The following RAF1 variants were observed in gnomAD, a reference collection of about 807,000 sequenced individuals.
RAF1 encodes the protein RAF proto-oncogene serine/threonine-protein kinase.
A neutral mutation model predicts 81.1 loss-of-function variants in RAF1; 27 were observed. The ratio of observed to expected loss-of-function variants is 0.33; its 90% CI spans 0.25 to 0.46. The LOEUF is 0.46. RAF1 is among the 20% of genes least tolerant of loss of function. The pLI is 1.00. For synonymous variants in RAF1, 298 were observed against 294.0 expected, an observed-to-expected ratio of 1.01 and a Z score of -0.14; for missense variants, 598 against 826.0, an observed-to-expected ratio of 0.72 and a Z score of 3.38.
intron 1 of RAF1, among the ~76,000 whole-genome samples, chr3:12,653,015 C>T (rs1431758377): frequency 1.3e-5 from 2 of 151,794 alleles, no homozygotes; most frequent in Admixed American, 1.3e-4. Flanking sequence ...GGTGCGGTAG[C>T]TCATGCCTAT....
chr3:12,646,555 C>CTT (rs35503570), intron 1 of RAF1, among the ~76,000 whole-genome samples: 2,729 of 142,332 alleles, frequency 0.019, 86 homozygotes, highest in African/African-American at 0.064. Flanking sequence ...TTGTATTTGT[C>CTT]TTTTTTTTTT....
intron 17 of RAF1, 51 bp from the exon 17 acceptor site, chr3:12,584,708 G>A (rs766936891): frequency 2.5e-6 from 4 of 1,612,914 alleles, no homozygotes; most frequent in Non-Finnish European, 3.4e-6. Flanking sequence ...AAAGACACAG[G>A]ATGTACCCTG....
chr3:12,658,315 T>C (rs905750241), intron 1 of RAF1, among the ~76,000 whole-genome samples: 1 of 152,182 alleles, frequency 6.6e-6, no homozygotes, highest in African/African-American at 2.4e-5. Flanking sequence ...ATAAAAGTTA[T>C]GTGAGGGCTG....
chr3:12,587,837 C>CTTTTTTTTTTTTTTT lies in RAF1; in HGVS notation c.1431-215_1431-201dup, dbSNP rs374515740. Reference sequence around the variant, plus strand: ...GGCCACAGCACAAACATGCTTACACCTTTTTTTTTTTTTTTTTGGAGACTG... The same window carrying CTTTTTTTTTTTTTTT: ...GGCCACAGCACAAACATGCTTACACCTTTTTTTTTTTTTTTTTTTTTTTTTTTTTTTTGGAGACTG... On this transcript the variant is annotated intron_variant, in intron 13 of 17. Coordinates refer to ENST00000442415, the MANE Select transcript of RAF1 (RefSeq NM_001354689.3). 226 of 194,656 alleles carry CTTTTTTTTTTTTTTT rather than the reference C, an allele frequency of 1.2e-3. 10 individuals are homozygous for CTTTTTTTTTTTTTTT. The highest frequency in any genetic ancestry group is 6.3e-3 in the Admixed American group (88 of 14,048). The allele number at this position is 194,656 out of a possible 1,614,324, so 12.1% of individuals were successfully genotyped here.
intron 1 of RAF1, among the ~76,000 whole-genome samples, chr3:12,642,487 G>T (rs1236489854): frequency 6.6e-6 from 1 of 151,436 alleles, no homozygotes; most frequent in Non-Finnish European, 1.5e-5. Context: ...ACTCCAGCCT[G>T]GGCAACAGAG....
chr3:12,655,056 A>T (rs2060647339), intron 1 of RAF1, among the ~76,000 whole-genome samples: 1 of 151,124 alleles, frequency 6.6e-6, no homozygotes, highest in South Asian at 2.2e-4. Flanking sequence ...AAATGCAAAA[A>T]GCCTACAACC....
intron 1 of RAF1, among the ~76,000 whole-genome samples, chr3:12,663,359 C>A (rs1340268071): frequency 6.6e-6 from 1 of 152,230 alleles, no homozygotes; most frequent in Non-Finnish European, 1.5e-5. Flanking sequence ...CCAGTTTCCT[C>A]CTCTCTTACC....
At position 12,642,267 on chromosome 3, in the gene RAF1, G is replaced by A. The variant is rs538335171; in HGVS notation, c.-27+21546C>T. On this transcript the variant is annotated intron_variant, in intron 1 of 17. Coordinates refer to ENST00000442415, the MANE Select transcript of RAF1 (RefSeq NM_001354689.3). ...AGATCGAGACCATCCTGGCTAACAC[G>A]GTGAAACCCCATTTCTACTAAAAAT... 6.0e-4 allele frequency among the ~76,000 whole-genome samples: 91 copies of A among 150,794 alleles called. 1 individual carries two copies. The highest frequency in any genetic ancestry group is 4.8e-3 in the Admixed American group (72 of 15,070).
chr3:12,662,338 TAAAAAA>T lies in RAF1; in HGVS notation c.-27+1469_-27+1474del, dbSNP rs61275660. On this transcript the variant is annotated intron_variant, in intron 1 of 17. Transcript: ENST00000442415. ...GCGACAGAGTGAGATCCTGTTCCTT[TAAAAAA>T]AAAAAAAAAAAAAAAAAAAAAAAAA... 2.4e-3 allele frequency among the ~76,000 whole-genome samples: 239 copies of T among 100,738 alleles called. 1 individual carries two copies. The highest frequency in any genetic ancestry group is 8.8e-3 in the African/African-American group (219 of 24,974). The allele number at this position is 100,738 out of a possible 152,430, so 66.1% of individuals were successfully genotyped here. A position where few individuals can be genotyped will look rare whatever the true frequency, so the allele number is the denominator to read the frequency against.
intron 1 of RAF1, among the ~76,000 whole-genome samples, chr3:12,635,054 G>T (rs1025791165): frequency 4.6e-5 from 7 of 152,092 alleles, no homozygotes; most frequent in Admixed American, 1.3e-4. Flanking sequence ...GGGCAGCCAC[G>T]ATGGCTCACA....
intron 1 of RAF1, among the ~76,000 whole-genome samples, chr3:12,638,116 A>G (rs568047816): frequency 2.0e-5 from 3 of 152,248 alleles, no homozygotes; most frequent in African/African-American, 4.8e-5. Flanking sequence ...GTATTTGCCT[A>G]CTCAATGATT....
chr3:12,652,601 G>C (rs1382252373), intron 1 of RAF1, among the ~76,000 whole-genome samples: 2 of 152,126 alleles, frequency 1.3e-5, no homozygotes, highest in Admixed American at 6.6e-5. Flanking sequence ...ATTCACACTT[G>C]AGAGAAATGT....
At chr3:12,623,612 A>C (rs915575578) in intron 1 of RAF1, among the ~76,000 whole-genome samples, 1 of 151,974 alleles carries the variant, frequency 6.6e-6, no homozygotes, top group Non-Finnish European at 1.5e-5. Flanking sequence ...CCTGGCTAAC[A>C]GGGTGAAACC....
At chr3:12,606,032 A>G (rs1373814928) in intron 6 of RAF1, among the ~76,000 whole-genome samples, 169 bp downstream of exon 6, 1 of 98,808 alleles carries the variant, frequency 1.0e-5, no homozygotes, top group Non-Finnish European at 2.1e-5. Flanking sequence ...GTCCATAAAC[A>G]GAAATTTCTA....
chr3:12,655,778 T>C (rs954368482), intron 1 of RAF1, among the ~76,000 whole-genome samples: 2 of 151,878 alleles, frequency 1.3e-5, no homozygotes, highest in Non-Finnish European at 2.9e-5. Context: ...CACCACCACA[T>C]GGATAAACCT....
chr3:12,584,979 G>T lies in RAF1; in HGVS notation c.1731C>A (p.Ile577=). ...CATATCCTCGGCCCACCATGAAGAT[G>T]ATCTAAGGGAAAGAAAACAGCTGAG... The change falls in exon 17 of 18, where the codon ATC becomes ATA. Residue 577 remains isoleucine (I), a splice_region_variant and synonymous_variant. Coordinates refer to ENST00000442415, the MANE Select transcript of RAF1 (RefSeq NM_001354689.3). 1.2e-6 allele frequency: 2 copies of T among 1,614,126 alleles called. No individual in the cohort carries two copies. Among genetic ancestry groups the T allele is most frequent in the Non-Finnish European group, 1.7e-6 (2 of 1,180,026 alleles).
chr3:12,627,226 A>T (rs148971894), intron 1 of RAF1, among the ~76,000 whole-genome samples: 1 of 152,124 alleles, frequency 6.6e-6, no homozygotes, highest in Admixed American at 6.6e-5. Context: ...TCTAAACCAT[A>T]CAAATTATTT....
chr3:12,588,466 G>A (rs2442807), intron 13 of RAF1: 3 of 151,992 alleles, frequency 2.0e-5, no homozygotes, highest in African/African-American at 7.3e-5. Flanking sequence ...ATGGTATAAC[G>A]TGTTGCACTT....
chr3:12,636,129 T>C (rs1232317688), intron 1 of RAF1, among the ~76,000 whole-genome samples: 1 of 149,242 alleles, frequency 6.7e-6, no homozygotes, highest in South Asian at 2.1e-4. Flanking sequence ...CTACCAAAAA[T>C]ACAAAAATTA....
Sources: gnomAD v4.1 joint callset for allele counts (sites outside exome capture counted in the v4.1 genomes callset) on GRCh38, gnomAD v4.1.1 for gene constraint, MANE v1.5 for transcripts, NCBI Gene and HGNC (gene_info 2026-07-23, HGNC 2026-07-21) for gene names.